Variants in LRRC4C observed in about 807,000 individuals in gnomAD.
LRRC4C encodes leucine rich repeat containing 4C, also known as leucine-rich repeat-containing protein 4C.
LRRC4C carries 5 observed loss-of-function variants against 33.6 expected under a neutral mutation model. The observed-to-expected ratio is 0.15, with a 90% CI of 0.08 to 0.31. The LOEUF (loss-of-function observed/expected upper bound fraction) is 0.31. Ranked by LOEUF, LRRC4C falls within the 10% of genes least tolerant of loss-of-function variation. The pLI, the probability that LRRC4C is intolerant of heterozygous loss-of-function variation, is 1.00. For synonymous variants in LRRC4C, 329 were observed against 302.0 expected, an observed-to-expected ratio of 1.09 and a Z score of -0.93; for missense variants, 560 against 796.7, an observed-to-expected ratio of 0.70 and a Z score of 3.58.
chr11:40,895,384 C>A (rs556206700), intron 2 of LRRC4C, among the ~76,000 whole-genome samples: 40 of 151,888 alleles, frequency 2.6e-4, no homozygotes, highest in East Asian at 3.9e-4. Flanking sequence ...CCAAAAAAAA[C>A]CCCAAAATTA....
intron 6 of LRRC4C, among the ~76,000 whole-genome samples, chr11:40,128,687 G>T (rs116546293): frequency 1.9e-3 from 286 of 151,936 alleles, no homozygotes; most frequent in African/African-American, 6.4e-3. Flanking sequence ...CCACCTTCTC[G>T]GTTCCACCCC....
At chr11:41,441,572 A>G (rs1313368331) in intron 1 of LRRC4C, among the ~76,000 whole-genome samples, 1 of 149,834 alleles carries the variant, frequency 6.7e-6, no homozygotes, top group Non-Finnish European at 1.5e-5. Context: ...TCATTCAGAG[A>G]CTTAAGCTGG....
At chr11:41,420,681 T>C (rs1954845221) in intron 1 of LRRC4C, among the ~76,000 whole-genome samples, 1 of 152,010 alleles carries the variant, frequency 6.6e-6, no homozygotes, top group Non-Finnish European at 1.5e-5. Context: ...AGAGCCAGAT[T>C]TCTTGGCTTT....
chr11:41,195,834 A>T (rs1037578043), intron 1 of LRRC4C, among the ~76,000 whole-genome samples: 3 of 151,996 alleles, frequency 2.0e-5, no homozygotes, highest in Admixed American at 6.6e-5. Flanking sequence ...ATATACACAA[A>T]ATTGGAGTCG....
chr11:41,051,520 C>CAAAAAAAAAAAAAAAAAAAAAAAAAAAA lies in LRRC4C; in HGVS notation c.-495-117825_-495-117798dup, dbSNP rs530003573. On this transcript the variant is annotated intron_variant, in intron 1 of 6. Coordinates refer to ENST00000528697, the MANE Select transcript of LRRC4C (RefSeq NM_001258419.2). ...CTCAGTCCCTCCCAGGGTCTCAAGG[C>CAAAAAAAAAAAAAAAAAAAAAAAAAAAA]AAAAAAAAAAAAAAAAAAAAAAAAA... is the stretch of plus-strand genomic sequence containing the variant. Among the ~76,000 whole-genome samples the CAAAAAAAAAAAAAAAAAAAAAAAAAAAA allele has an allele frequency of 6.5e-4, 39 of 60,288 alleles. 3 individuals carry two copies. The highest frequency in any genetic ancestry group is 9.1e-4 in the African/African-American group (13 of 14,286). 39.6% of individuals were successfully genotyped at this position (60,288 alleles called of 152,430 possible).
In LRRC4C at chr11:41,393,378, G is replaced by A. The variant is rs143811489; in HGVS notation, c.-496+66053C>T. The stretch of plus-strand genomic sequence containing the variant: ...GTGCTCTGAACATTGCTATGAATGA[G>A]CTTTGTGAAAGTATCTTAGGGAAGG... On this transcript the variant is annotated intron_variant, in intron 1 of 6. Transcript: ENST00000528697. Among the ~76,000 whole-genome samples the A allele has an allele frequency of 2.4e-4, 37 of 151,896 alleles. No homozygotes were observed. In the East Asian group the frequency reaches 7.0e-3, roughly 29 times the overall value.
intron 2 of LRRC4C, among the ~76,000 whole-genome samples, chr11:40,790,161 G>A (rs1052858557): frequency 5.3e-5 from 8 of 152,146 alleles, no homozygotes; most frequent in Admixed American, 3.3e-4. Context: ...AAAATATTTC[G>A]TAAGTGGATT....
At chr11:40,360,854 A>T (rs2137166356) in intron 3 of LRRC4C, among the ~76,000 whole-genome samples, 1 of 152,332 alleles carries the variant, frequency 6.6e-6, no homozygotes, top group Admixed American at 6.5e-5. Context: ...TTCTCAACAA[A>T]ATAGTGGCAA....
chr11:40,409,790 A>C (rs1191168035), intron 3 of LRRC4C, among the ~76,000 whole-genome samples: 1 of 152,100 alleles, frequency 6.6e-6, no homozygotes, highest in African/African-American at 2.4e-5. Flanking sequence ...TGGGAATGTA[A>C]ATTAGTATAA....
chr11:40,912,944 CAAAG>C (rs1956769790), intron 2 of LRRC4C, among the ~76,000 whole-genome samples: 1 of 152,104 alleles, frequency 6.6e-6, no homozygotes, highest in Non-Finnish European at 1.5e-5. Flanking sequence ...TCAAAAGAGA[CAAAG>C]AAGACCATTA....
intron 3 of LRRC4C, among the ~76,000 whole-genome samples, chr11:40,439,531 G>C (rs370559296): frequency 2.4e-4 from 36 of 148,792 alleles, no homozygotes; most frequent in African/African-American, 8.9e-4. Context: ...TCGGCTCACT[G>C]AAACCCCCAC....
intron 1 of LRRC4C, among the ~76,000 whole-genome samples, chr11:41,063,663 G>A (rs569933394): frequency 6.6e-6 from 1 of 152,316 alleles, no homozygotes; most frequent in African/African-American, 2.4e-5. Flanking sequence ...TGGATAGGGA[G>A]GCTGTAGCGA....
chr11:41,137,092 A>G (rs1324592184), intron 1 of LRRC4C, among the ~76,000 whole-genome samples: 1 of 152,074 alleles, frequency 6.6e-6, no homozygotes, highest in African/African-American at 2.4e-5. Context: ...TAGTAAAAAT[A>G]CAAAAATTAG....
At chr11:40,635,795 C>A (rs1963905887) in intron 3 of LRRC4C, among the ~76,000 whole-genome samples, 2 of 151,514 alleles carry the variant, frequency 1.3e-5, no homozygotes, top group African/African-American at 2.4e-5. Flanking sequence ...CGCCACCATG[C>A]CCGGCTAATT....
At chr11:40,590,973 A>C (rs1370906381) in intron 3 of LRRC4C, among the ~76,000 whole-genome samples, 1 of 152,198 alleles carries the variant, frequency 6.6e-6, no homozygotes, top group Non-Finnish European at 1.5e-5. Context: ...CTACAGAGGC[A>C]GGCAGGCCTC....
intron 3 of LRRC4C, among the ~76,000 whole-genome samples, chr11:40,338,729 A>G (rs1166530900): frequency 6.6e-6 from 1 of 152,162 alleles, no homozygotes; most frequent in Admixed American, 6.6e-5. Flanking sequence ...ATATTACCTA[A>G]ACTTACTCCA....
chr11:40,817,572 T>C (rs990053024), intron 2 of LRRC4C, among the ~76,000 whole-genome samples: 6 of 152,096 alleles, frequency 3.9e-5, no homozygotes, highest in Non-Finnish European at 8.8e-5. Context: ...TAGTTACTGG[T>C]CCGTAATATC....
chr11:41,059,870 C>T (rs1858936618), intron 1 of LRRC4C, among the ~76,000 whole-genome samples: 1 of 152,046 alleles, frequency 6.6e-6, no homozygotes, highest in Non-Finnish European at 1.5e-5. Context: ...ACTAAAAATA[C>T]AAAAATTAGT....
At chr11:40,833,025 A>G (rs1952490405) in intron 2 of LRRC4C, among the ~76,000 whole-genome samples, 1 of 152,154 alleles carries the variant, frequency 6.6e-6, no homozygotes, top group African/African-American at 2.4e-5. Flanking sequence ...GAATTAACCT[A>G]TTTTAAGGCC....
Sources: allele counts gnomAD v4.1 joint callset (sites outside exome capture counted in the v4.1 genomes callset), GRCh38; gene constraint gnomAD v4.1.1; transcripts MANE v1.5; gene names NCBI Gene and HGNC (gene_info 2026-07-23, HGNC 2026-07-21).